The following AGPS variants were observed in gnomAD, a reference collection of about 807,000 sequenced individuals.
AGPS encodes alkylglycerone phosphate synthase.
In AGPS, 26 loss-of-function variants were observed where a neutral mutation model predicts 90.7. The ratio of observed to expected loss-of-function variants is 0.29; its 90% CI spans 0.21 to 0.40. The LOEUF (loss-of-function observed/expected upper bound fraction) is 0.40. Ranked by LOEUF, AGPS falls within the 10% of genes least tolerant of loss-of-function variation. AGPS has a pLI of 1.00. For synonymous variants in AGPS, 294 were observed against 285.3 expected, an observed-to-expected ratio of 1.03 and a Z score of -0.31; for missense variants, 540 against 816.1, an observed-to-expected ratio of 0.66 and a Z score of 4.12.
At chr2:177,536,281 A>G (rs1051487675) in intron 19 of AGPS, among the ~76,000 whole-genome samples, 2 of 152,066 alleles carry the variant, frequency 1.3e-5, no homozygotes, top group Non-Finnish European at 2.9e-5. Flanking sequence ...ATTCAGTGAA[A>G]CTGTATTACA....
chr2:177,449,634 C>T (rs1459860083), intron 8 of AGPS, among the ~76,000 whole-genome samples: 2 of 151,984 alleles, frequency 1.3e-5, no homozygotes, highest in Non-Finnish European at 2.9e-5. Flanking sequence ...GCCATGTTGC[C>T]CAGGCTGTTC....
intron 1 of AGPS, among the ~76,000 whole-genome samples, chr2:177,413,995 C>G (rs1685714039): frequency 6.6e-6 from 1 of 152,148 alleles, no homozygotes; most frequent in African/African-American, 2.4e-5. Flanking sequence ...TGATTAGTGA[C>G]TGCCCAGAGT....
chr2:177,446,911 A>G (rs1450999175), intron 8 of AGPS, among the ~76,000 whole-genome samples: 1 of 152,228 alleles, frequency 6.6e-6, no homozygotes, highest in East Asian at 1.9e-4. Context: ...GAGTTCTTAT[A>G]GTACCTTTTT....
chr2:177,407,323 G>A (rs1685496226), intron 1 of AGPS, among the ~76,000 whole-genome samples: 1 of 152,100 alleles, frequency 6.6e-6, no homozygotes, highest in African/African-American at 2.4e-5. Context: ...GACCATTTTT[G>A]CATTGCTATA....
chr2:177,437,353 G>T (rs1190295346), intron 5 of AGPS, among the ~76,000 whole-genome samples: 1 of 152,030 alleles, frequency 6.6e-6, no homozygotes, highest in African/African-American at 2.4e-5. Flanking sequence ...TGAAATTAGT[G>T]TCAGTAATAC....
chr2:177,445,710 A>T, intron 8 of AGPS, 84 bp downstream of exon 8: 1 of 922,136 alleles, frequency 1.1e-6, no homozygotes, highest in African/African-American at 1.7e-5. Flanking sequence ...AAAGTTTTCA[A>T]AACTGTATCC....
rs752196210 is a variant in AGPS, at chr2:177,538,226, AT to A, written c.*41del. 468 of 1,540,036 alleles carry A rather than the reference AT, an allele frequency of 3.0e-4. No homozygotes were observed. The highest frequency in any genetic ancestry group is 5.1e-4 in the African/African-American group (37 of 72,742). On this transcript the variant is annotated 3_prime_UTR_variant, in exon 20 of 20. Coordinates refer to ENST00000264167, the MANE Select transcript of AGPS (RefSeq NM_003659.4). ...TTAGTACCATTACAAAAAAATGTCA[AT>A]TTTTTTTTTAAGTTTTCAACTGTGG... is the stretch of plus-strand genomic sequence containing the variant.
In AGPS at chr2:177,482,060, A is replaced by T; in HGVS notation, c.1107A>T (p.Gly369=). ...ATTATTCCCCCTTCTTTTTTTCAGG[A>T]ACTCTTGGTGTAATAACAGAAGCTA... ...DIHHFIMGSE[G]TLGVITEATI... is the part of the protein sequence containing the mutation. The change falls in exon 11 of 20, where the codon GGA becomes GGT. Residue 369 remains glycine (G), a splice_region_variant and synonymous_variant. Coordinates refer to ENST00000264167, the MANE Select transcript of AGPS (RefSeq NM_003659.4). 6.3e-7 allele frequency: 1 copy of T among 1,598,900 alleles called. No individual in the cohort carries two copies. Among genetic ancestry groups the T allele is most frequent in the Non-Finnish European group, 8.5e-7 (1 of 1,170,268 alleles).
At chr2:177,487,046 C>T (rs1237625764) in intron 11 of AGPS, among the ~76,000 whole-genome samples, 1 of 152,090 alleles carries the variant, frequency 6.6e-6, no homozygotes, top group Admixed American at 6.6e-5. Context: ...GTTTTTTAAT[C>T]AGCATATCAG....
chr2:177,432,034 C>T (rs926909350), intron 2 of AGPS, among the ~76,000 whole-genome samples: 3 of 152,202 alleles, frequency 2.0e-5, no homozygotes, highest in African/African-American at 4.8e-5. Flanking sequence ...TTCGGGGTCC[C>T]TGACTTCCCA....
chr2:177,524,490 A>G (rs921198466), intron 19 of AGPS, among the ~76,000 whole-genome samples: 3 of 152,234 alleles, frequency 2.0e-5, no homozygotes, highest in African/African-American at 7.2e-5. Context: ...TCTGTAGAAT[A>G]GAAATTTGTT....
chr2:177,406,406 A>T (rs1385902918), intron 1 of AGPS, among the ~76,000 whole-genome samples: 1 of 152,242 alleles, frequency 6.6e-6, no homozygotes, highest in Non-Finnish European at 1.5e-5. Context: ...ATGCAGAAGA[A>T]AGAGCCATAA....
intron 12 of AGPS, among the ~76,000 whole-genome samples, chr2:177,496,605 G>T (rs1273062920): frequency 6.6e-6 from 1 of 152,036 alleles, no homozygotes; most frequent in African/African-American, 2.4e-5. Context: ...GTTTTTTAAT[G>T]CCTCAGGTAT....
rs181729486 is a variant in AGPS at position 177,464,350 on chromosome 2, T to C, written c.996+2332T>C. ...TATGACAATTTTTCTAAAGTTGATA[T>C]TCTTTTAATACATGTGGCTACAATG... On this transcript the variant is annotated intron_variant, in intron 9 of 19. Transcript: ENST00000264167. 7.5e-4 allele frequency among the ~76,000 whole-genome samples: 115 copies of C among 152,366 alleles called. 1 individual carries two copies. The highest frequency in any genetic ancestry group is 1.8e-4 in the Non-Finnish European group (12 of 68,028).
intron 19 of AGPS, among the ~76,000 whole-genome samples, chr2:177,529,918 C>T (rs1446914565): frequency 5.9e-5 from 9 of 152,166 alleles, no homozygotes; most frequent in Admixed American, 6.5e-5. Flanking sequence ...AATAATGGTA[C>T]CTGTCTCATA....
chr2:177,447,191 C>T (rs992686261), intron 8 of AGPS, among the ~76,000 whole-genome samples: 5 of 151,874 alleles, frequency 3.3e-5, no homozygotes, highest in Non-Finnish European at 5.9e-5. Flanking sequence ...GTTTTCTTTT[C>T]TTTCTTGAAA....
chr2:177,447,836 T>G (rs1356830691), intron 8 of AGPS, among the ~76,000 whole-genome samples: 1 of 152,150 alleles, frequency 6.6e-6, no homozygotes, highest in African/African-American at 2.4e-5. Flanking sequence ...AGATTCTACT[T>G]CAGTTGAGGT....
At chr2:177,393,345 A>G (rs1685079119) in intron 1 of AGPS, 16 of 985,408 alleles carry the variant, frequency 1.6e-5, no homozygotes, top group Non-Finnish European at 1.7e-5. Flanking sequence ...AGTGCCAGGA[A>G]TTCATTTTTT....
intron 16 of AGPS, among the ~76,000 whole-genome samples, chr2:177,508,354 T>C (rs1297477687): frequency 6.6e-6 from 1 of 152,200 alleles, no homozygotes; most frequent in Admixed American, 6.5e-5. Context: ...AAGTGATTAA[T>C]ATTGCTTAAA....
Sources: gnomAD v4.1 joint callset for allele counts (sites outside exome capture counted in the v4.1 genomes callset) on GRCh38, gnomAD v4.1.1 for gene constraint, MANE v1.5 for transcripts, NCBI Gene and HGNC (gene_info 2026-07-23, HGNC 2026-07-21) for gene names.